Variants in TENM3 observed in about 807,000 individuals in gnomAD.
TENM3 encodes the protein teneurin-3.
TENM3 carries 63 observed loss-of-function variants against 255.1 expected under a neutral mutation model. The ratio of observed to expected loss-of-function variants is 0.25; its 90% confidence interval spans 0.20 to 0.30. The LOEUF is 0.30. Ranked by LOEUF, TENM3 falls within the 10% of genes least tolerant of loss-of-function variation. The pLI, the probability that TENM3 is intolerant of heterozygous loss-of-function variation, is 1.00. For synonymous variants in TENM3, 1,306 were observed against 1,322.3 expected, an observed-to-expected ratio of 0.99 and a Z score of 0.27; for missense variants, 2,929 against 3,461.1, an observed-to-expected ratio of 0.85 and a Z score of 3.86.
At chr4:182,448,798 C>T (rs1402827684) in intron 3 of TENM3, among the ~76,000 whole-genome samples, 2 of 149,828 alleles carry the variant, frequency 1.3e-5, no homozygotes, top group Non-Finnish European at 3.0e-5. Flanking sequence ...GTGTGTGGAG[C>T]GGGGCGAGGG....
At chr4:181,823,153 G>C in the TENM3 span, among the ~76,000 whole-genome samples, 4 of 152,200 alleles carry the variant, frequency 2.6e-5, no homozygotes, top group Admixed American at 2.6e-4. Context: ...TGGAAGGCAT[G>C]AGTGAAAGCT....
At chr4:182,349,534 T>C (rs1580247790) in intron 3 of TENM3, among the ~76,000 whole-genome samples, 1 of 152,284 alleles carries the variant, frequency 6.6e-6, no homozygotes, top group Non-Finnish European at 1.5e-5. Flanking sequence ...TGAGGATTTT[T>C]TTCCTGATAT....
At chr4:182,564,753 C>T (rs753594933) in intron 3 of TENM3, among the ~76,000 whole-genome samples, 3 of 152,078 alleles carry the variant, frequency 2.0e-5, no homozygotes, top group Admixed American at 6.5e-5. Flanking sequence ...AATACGTGTC[C>T]TCCATCTGGT....
chr4:181,488,495 A>C, the TENM3 span, among the ~76,000 whole-genome samples: 1 of 152,228 alleles, frequency 6.6e-6, no homozygotes, highest in South Asian at 2.1e-4. Flanking sequence ...CAGTACTTAT[A>C]ATTTGATTTT....
the TENM3 span, among the ~76,000 whole-genome samples, chr4:181,825,691 T>C: frequency 6.6e-6 from 1 of 152,160 alleles, no homozygotes; most frequent in Admixed American, 6.5e-5. Flanking sequence ...AAAACACAGT[T>C]AACATAAGTG....
At chr4:182,296,536 C>T (rs1323115735) in intron 1 of TENM3, among the ~76,000 whole-genome samples, 2 of 152,170 alleles carry the variant, frequency 1.3e-5, no homozygotes, top group Admixed American at 6.5e-5. Flanking sequence ...CGCTAATTGG[C>T]TGTAACTAGT....
At chr4:181,893,601 A>C in the TENM3 span, among the ~76,000 whole-genome samples, 2 of 149,796 alleles carry the variant, frequency 1.3e-5, no homozygotes, top group Non-Finnish European at 2.9e-5. Flanking sequence ...TCATCTGTGT[A>C]ATGTAAAATT....
At position 182,755,126 on chromosome 4, in the gene TENM3, T is replaced by C. The variant is rs146940584; in HGVS notation, c.4759T>C (p.Leu1587=). ...VVSPDNQVIW[L]TIGTNGCLKS... is the part of the protein sequence containing the mutation. Reference sequence around the variant, plus strand: ...GTCTCCTGATAACCAAGTGATATGGTTGACAATAGGAACAAATGGATGTTT... The same window carrying C: ...GTCTCCTGATAACCAAGTGATATGGCTGACAATAGGAACAAATGGATGTTT... Residue 1587 remains leucine (L), a synonymous_variant, in exon 22 of 28, where the codon TTG becomes CTG. Transcript: ENST00000511685. 657 of 1,613,886 alleles carry C rather than the reference T, an allele frequency of 4.1e-4. 7 individuals carry two copies. The East Asian group carries it at 0.015, about 36-fold the overall frequency.
chr4:182,267,694 A>C (rs1038755932), intron 1 of TENM3, among the ~76,000 whole-genome samples: 7 of 151,404 alleles, frequency 4.6e-5, no homozygotes, highest in African/African-American at 1.7e-4. Flanking sequence ...TCTGTGGAAC[A>C]AAGTTCCATC....
chr4:182,110,870 G>A, the TENM3 span, among the ~76,000 whole-genome samples: 1 of 152,050 alleles, frequency 6.6e-6, no homozygotes, highest in Admixed American at 6.6e-5. Context: ...ATAGATGATC[G>A]AAACTATAGA....
intron 1 of TENM3, among the ~76,000 whole-genome samples, chr4:182,251,161 C>A (rs1436086467): frequency 1.3e-5 from 2 of 152,138 alleles, no homozygotes; most frequent in Non-Finnish European, 2.9e-5. Context: ...CTGAAAAAAA[C>A]CTTTCCACTT....
chr4:181,451,198 T>C, the TENM3 span, among the ~76,000 whole-genome samples: 1 of 152,170 alleles, frequency 6.6e-6, no homozygotes, highest in Non-Finnish European at 1.5e-5. Context: ...GGAGTGGGTA[T>C]TTTAGGCAGT....
the TENM3 span, among the ~76,000 whole-genome samples, chr4:181,681,629 A>G: frequency 6.6e-6 from 1 of 152,124 alleles, no homozygotes; most frequent in Non-Finnish European, 1.5e-5. Context: ...TATTACTTCA[A>G]CCTGAGGGTG....
At chr4:182,004,794 G>T in the TENM3 span, among the ~76,000 whole-genome samples, 292 of 152,276 alleles carry the variant, frequency 1.9e-3, 1 homozygote, top group African/African-American at 6.7e-3. Context: ...GTATCTCATT[G>T]TGGTTTTGAT....
intron 3 of TENM3, among the ~76,000 whole-genome samples, chr4:182,421,216 G>T (rs1259136642): frequency 6.6e-6 from 1 of 152,040 alleles, no homozygotes; most frequent in Non-Finnish European, 1.5e-5. Flanking sequence ...CTTCACCCTC[G>T]TCATCACCCT....
the TENM3 span, among the ~76,000 whole-genome samples, chr4:182,018,968 T>C: frequency 6.6e-6 from 1 of 152,158 alleles, no homozygotes; most frequent in Non-Finnish European, 1.5e-5. Flanking sequence ...AGTGCAAGCA[T>C]CTACTACCCC....
chr4:181,928,210 G>A, the TENM3 span, among the ~76,000 whole-genome samples: 2 of 152,014 alleles, frequency 1.3e-5, no homozygotes, highest in Non-Finnish European at 2.9e-5. Context: ...GGCTTCAGAA[G>A]GTGGGTAATA....
At chr4:181,711,406 G>A in the TENM3 span, among the ~76,000 whole-genome samples, 1 of 152,296 alleles carries the variant, frequency 6.6e-6, no homozygotes, top group South Asian at 2.1e-4. Context: ...TGGGAGCCAA[G>A]AATACTATTT....
chr4:182,202,299 CTTTTTT>C (rs773698031), intron 1 of TENM3, among the ~76,000 whole-genome samples: 4 of 100,608 alleles, frequency 4.0e-5, no homozygotes, highest in Admixed American at 1.0e-4. Context: ...GTGCACTGCA[CTTTTTT>C]TTTTTTTTTT....
Sources: gnomAD v4.1 joint callset for allele counts (sites outside exome capture counted in the v4.1 genomes callset) on GRCh38, gnomAD v4.1.1 for gene constraint, MANE v1.5 for transcripts, NCBI Gene and HGNC (gene_info 2026-07-23, HGNC 2026-07-21) for gene names.